RANBP3L: variants seen among roughly 807,000 people sequenced by gnomAD.
RANBP3L encodes RAN binding protein 3 like, also known as ran-binding protein 3-like.
In RANBP3L, 56 loss-of-function variants were observed where a neutral mutation model predicts 67.2. That is an observed-to-expected ratio of 0.83 (90% CI 0.67 to 1.04). RANBP3L has a LOEUF of 1.04. Among genes scored for constraint, RANBP3L ranks in the 50% least tolerant of loss-of-function variants. The pLI, the probability that RANBP3L is intolerant of heterozygous loss-of-function variation, is 0.00. For synonymous variants in RANBP3L, 164 were observed against 181.4 expected (o/e 0.90, Z 0.77); for missense variants, 496 against 535.5 (o/e 0.93, Z 0.73).
At chr5:36,264,442 A>C (rs932616477) in intron 6 of RANBP3L, among the ~76,000 whole-genome samples, 2 of 152,210 alleles carry the variant, frequency 1.3e-5, no homozygotes, top group Non-Finnish European at 2.9e-5. Context: ...TGATTCAGAC[A>C]CTACATAGTT....
intron 4 of RANBP3L, 48 bp downstream of exon 4, chr5:36,269,342 T>C (rs554490626): frequency 9.0e-7 from 1 of 1,106,324 alleles, no homozygotes; most frequent in South Asian, 1.3e-5. Flanking sequence ...AATTTTGCAT[T>C]CAGAATAAAC....
intron 1 of RANBP3L, among the ~76,000 whole-genome samples, chr5:36,296,883 T>C (rs967399654): frequency 1.3e-5 from 2 of 152,186 alleles, no homozygotes; most frequent in African/African-American, 2.4e-5. Flanking sequence ...CAACCAAGAA[T>C]GGACTCAACT....
Position 36,269,415 on chromosome 5 carries a change from A to G in RANBP3L, c.243T>C (p.His81=). ...CTCCCTGGGACTGAGAATCTGTAATATGAAAAGTAAAAGATGAAGACCGTA... is the reference window on the plus strand; with the variant it reads ...CTCCCTGGGACTGAGAATCTGTAATGTGAAAAGTAAAAGATGAAGACCGTA... ...KRVRSSSFTF[H]ITDSQSQGVR... The change falls in exon 4 of 14, where the codon CAT becomes CAC. Residue 81 remains histidine (H), a synonymous_variant. Coordinates refer to ENST00000296604, the MANE Select transcript of RANBP3L (RefSeq NM_145000.5). The G allele has an allele frequency of 6.4e-7, 1 of 1,572,666 alleles. No homozygotes were observed. Among genetic ancestry groups the G allele is most frequent in the Non-Finnish European group, 8.8e-7 (1 of 1,141,986 alleles).
At chr5:36,279,981 G>A (rs1274952390) in intron 1 of RANBP3L, among the ~76,000 whole-genome samples, 1 of 151,744 alleles carries the variant, frequency 6.6e-6, no homozygotes, top group Admixed American at 6.6e-5. Flanking sequence ...TGGAGAAGAT[G>A]AGAAAACTCT....
rs115840881 is a variant in RANBP3L at position 36,295,225 on chromosome 5, C to T, written c.91+6101G>A. On this transcript the variant is annotated intron_variant, in intron 1 of 13. Coordinates refer to ENST00000296604, the MANE Select transcript of RANBP3L (RefSeq NM_145000.5). Reference sequence around the variant, plus strand: ...GTGATATGGTTTTGCTGAGTCCCCACCCATATCTCATCTTGAATTGTAGTT... The same window carrying T: ...GTGATATGGTTTTGCTGAGTCCCCATCCATATCTCATCTTGAATTGTAGTT... Among the ~76,000 whole-genome samples the T allele has an allele frequency of 3.5e-3, 534 of 152,156 alleles. 4 individuals carry two copies. The highest frequency in any genetic ancestry group is 9.0e-3 in the African/African-American group (372 of 41,514).
chr5:36,265,223 T>C (rs1477341936), intron 5 of RANBP3L, 125 bp from the exon 6 acceptor site: 2 of 711,544 alleles, frequency 2.8e-6, no homozygotes, highest in Non-Finnish European at 4.4e-6. Flanking sequence ...CGTTAATTAA[T>C]CCAAGTCAAA....
At chr5:36,256,048 T>C (rs1447273760) in intron 10 of RANBP3L, among the ~76,000 whole-genome samples, 1 of 152,130 alleles carries the variant, frequency 6.6e-6, no homozygotes, top group Admixed American at 6.6e-5. Context: ...TATAATGTTA[T>C]TTGAAAGTAA....
In RANBP3L at chr5:36,260,846, A is replaced by G. The variant is rs1749332747; in HGVS notation, c.603T>C (p.Asp201=). The G allele has an allele frequency of 1.3e-6, 2 of 1,511,876 alleles. No homozygotes were observed. Among genetic ancestry groups the G allele is most frequent in the East Asian group, 2.3e-5 (1 of 44,168 alleles). 93.7% of individuals were successfully genotyped at this position (1,511,876 alleles called of 1,614,324 possible). Residue 201 remains aspartate (D), a synonymous_variant, in exon 8 of 14, where the codon GAT becomes GAC. Coordinates refer to ENST00000296604, the MANE Select transcript of RANBP3L (RefSeq NM_145000.5). The stretch of plus-strand genomic sequence containing the variant: ...AACTGCAGCTTTTAAAAGAACATTT[A>G]TCTTCATTTGGTTGACATCTAAGAA... ...ATSVGCQPNE[D]KCSFKSCSSN... is the part of the protein sequence containing the mutation.
intron 6 of RANBP3L, among the ~76,000 whole-genome samples, chr5:36,262,995 T>C: frequency 6.6e-6 from 1 of 152,050 alleles, no homozygotes; most frequent in East Asian, 1.9e-4. Context: ...ATAATTTATC[T>C]GATTTTGATA....
intron 13 of RANBP3L, among the ~76,000 whole-genome samples, chr5:36,250,909 TA>T (rs2111589545): frequency 6.6e-6 from 1 of 152,210 alleles, no homozygotes; most frequent in Admixed American, 6.5e-5. Context: ...AGTCAAATTC[TA>T]AAAAGGGAAT....
intron 1 of RANBP3L, among the ~76,000 whole-genome samples, chr5:36,300,738 T>C (rs144913780): frequency 1.3e-5 from 2 of 152,200 alleles, no homozygotes; most frequent in East Asian, 3.9e-4. Flanking sequence ...GAGAGTGGAT[T>C]TGAAAATTTA....
chr5:36,253,928 A>C (rs1006057674), intron 11 of RANBP3L, 139 bp from the exon 12 acceptor site: 5 of 738,850 alleles, frequency 6.8e-6, no homozygotes, highest in Admixed American at 7.3e-5. Flanking sequence ...CTAGATTAAA[A>C]CTTGATTTTC....
intron 13 of RANBP3L, 57 bp from the exon 14 acceptor site, chr5:36,249,754 T>G: frequency 2.4e-6 from 2 of 849,392 alleles, no homozygotes; most frequent in South Asian, 3.9e-5. Context: ...GGTAGATTTT[T>G]AATATTGAAT....
At chr5:36,258,635 T>A (rs1749159619) in intron 8 of RANBP3L, among the ~76,000 whole-genome samples, 1 of 152,204 alleles carries the variant, frequency 6.6e-6, no homozygotes, top group Non-Finnish European at 1.5e-5. Flanking sequence ...TTTATAAGCC[T>A]TTATAAGTTG....
In RANBP3L at chr5:36,301,438, A is replaced by G. The variant is rs1338550442; in HGVS notation, c.-22T>C. ...TCATGGTCCTAGCAGTATGGCTGTG[A>G]CTCAAGGATCACTAGGGCACCTCCT... On this transcript the variant is annotated 5_prime_UTR_variant, in exon 1 of 14. Transcript: ENST00000296604. 2 of 1,598,654 alleles carry G rather than the reference A, an allele frequency of 1.3e-6. No homozygotes were observed. The highest frequency in any genetic ancestry group is 3.3e-5 in the Admixed American group (2 of 59,940).
intron 9 of RANBP3L, 82 bp from the exon 10 acceptor site, chr5:36,257,153 A>G (rs1169445900): frequency 9.1e-6 from 11 of 1,210,938 alleles, no homozygotes; most frequent in Non-Finnish European, 1.3e-5. Context: ...ATTACCACAT[A>G]TATCTACTTG....
At chr5:36,272,269 C>T (rs1750271511) in intron 1 of RANBP3L, among the ~76,000 whole-genome samples, 1 of 152,128 alleles carries the variant, frequency 6.6e-6, no homozygotes, top group South Asian at 2.1e-4. Flanking sequence ...CCACCAATCC[C>T]CATTCTAAAA....
intron 4 of RANBP3L, chr5:36,268,046 G>T (rs2111855736): frequency 2.2e-6 from 1 of 447,660 alleles, no homozygotes; most frequent in East Asian, 3.5e-5. Flanking sequence ...AATTCATAAG[G>T]TATTCTTCGA....
chr5:36,300,411 C>A (rs1752533335), intron 1 of RANBP3L, among the ~76,000 whole-genome samples: 1 of 152,166 alleles, frequency 6.6e-6, no homozygotes, highest in South Asian at 2.1e-4. Flanking sequence ...TGACTGTTAG[C>A]ACACAGATTC....
Sources: gnomAD v4.1 joint callset for allele counts (sites outside exome capture counted in the v4.1 genomes callset) on GRCh38, gnomAD v4.1.1 for gene constraint, MANE v1.5 for transcripts, NCBI Gene and HGNC (gene_info 2026-07-23, HGNC 2026-07-21) for gene names.